The following PLA2G4A variants were observed in gnomAD, a reference collection of about 807,000 sequenced individuals.
PLA2G4A encodes the protein cytosolic phospholipase A2.
In PLA2G4A, 40 loss-of-function variants were observed where a neutral mutation model predicts 81.9. That is an observed-to-expected ratio of 0.49 (90% confidence interval 0.38 to 0.64). The LOEUF (loss-of-function observed/expected upper bound fraction) is 0.64, where lower values mean the gene tolerates loss of function less well. PLA2G4A is among the 30% of genes least tolerant of loss of function. The pLI is 0.00. For synonymous variants in PLA2G4A, 302 were observed against 296.9 expected, an observed-to-expected ratio of 1.02 and a Z score of -0.18; for missense variants, 715 against 905.1, an observed-to-expected ratio of 0.79 and a Z score of 2.69.
At chr1:186,963,616 C>T (rs1657032321) in intron 14 of PLA2G4A, among the ~76,000 whole-genome samples, 2 of 152,152 alleles carry the variant, frequency 1.3e-5, no homozygotes, top group South Asian at 4.1e-4. Flanking sequence ...TTCCTCTTTG[C>T]TTCACCTATT....
At position 186,932,840 on chromosome 1, in the gene PLA2G4A, A is replaced by T; in HGVS notation, c.636A>T (p.Leu212Phe). ...GATTCTCTGGTGTGATGAAGGCATT[A>T]TACGAATCAGGAATTCTGGATTGTG... Reference protein sequence around the residue: ...MVGFSGVMKALYESGILDCAT... With the variant: ...MVGFSGVMKAFYESGILDCAT... The change falls in exon 8 of 18, where the codon TTA becomes TTT. Residue 212 changes from leucine (L) to phenylalanine (F), a missense_variant. By Grantham distance (22) the Leu-to-Phe change is conservative (BLOSUM62 0). Transcript: ENST00000367466. 1 of 1,613,242 alleles carries T rather than the reference A, an allele frequency of 6.2e-7. No individual in the cohort carries two copies. Among genetic ancestry groups the T allele is most frequent in the Non-Finnish European group, 8.5e-7 (1 of 1,179,178 alleles).
intron 3 of PLA2G4A, among the ~76,000 whole-genome samples, chr1:186,884,894 A>G (rs78081017): frequency 9.5e-4 from 1 of 1,056 alleles, no homozygotes; most frequent in South Asian, 0.083. Context: ...CCTGTCTTCA[A>G]AAAAAAAAAA....
chr1:186,965,529 G>C lies in PLA2G4A; in HGVS notation c.1700G>C (p.Gly567Ala). The change falls in exon 15 of 18, where the codon GGG (glycine) becomes GCG (alanine). Residue 567 changes from glycine to alanine, a missense_variant. Coordinates refer to ENST00000367466, the MANE Select transcript of PLA2G4A (RefSeq NM_024420.3). Reference sequence around the variant, plus strand: ...CCCTTGATACTGAGACCTCAGAGAGGGGTTGATCTCATAATCTCCTTTGAC... The same window carrying C: ...CCCTTGATACTGAGACCTCAGAGAGCGGTTGATCTCATAATCTCCTTTGAC... The part of the protein sequence containing the change: ...PYPLILRPQR[G>A]VDLIISFDFS... The C allele has an allele frequency of 6.2e-7, 1 of 1,613,206 alleles. No homozygotes were observed. Among genetic ancestry groups the C allele is most frequent in the Non-Finnish European group, 8.5e-7 (1 of 1,179,170 alleles).
intron 7 of PLA2G4A, among the ~76,000 whole-genome samples, chr1:186,922,439 A>C (rs74595341): frequency 1.3e-5 from 2 of 152,154 alleles, no homozygotes; most frequent in Non-Finnish European, 2.9e-5. Context: ...TCCAAGTGCC[A>C]GTTCCTTCCT....
At chr1:186,935,791 C>T (rs1013614256) in intron 8 of PLA2G4A, among the ~76,000 whole-genome samples, 1 of 151,904 alleles carries the variant, frequency 6.6e-6, no homozygotes, top group Non-Finnish European at 1.5e-5. Context: ...TGCTGATACA[C>T]GGCCATTATT....
At chr1:186,857,679 G>A (rs1391569783) in intron 2 of PLA2G4A, among the ~76,000 whole-genome samples, 2 of 150,852 alleles carry the variant, frequency 1.3e-5, no homozygotes, top group African/African-American at 2.4e-5. Context: ...GTATATATTT[G>A]CCATGGTGGT....
At chr1:186,875,972 G>A (rs1324852276) in intron 3 of PLA2G4A, among the ~76,000 whole-genome samples, 1 of 152,088 alleles carries the variant, frequency 6.6e-6, no homozygotes, top group East Asian at 1.9e-4. Context: ...ATTCCAAACG[G>A]AATGAAAAAG....
At chr1:186,863,225 G>C (rs991503869) in intron 2 of PLA2G4A, among the ~76,000 whole-genome samples, 3 of 152,088 alleles carry the variant, frequency 2.0e-5, no homozygotes, top group African/African-American at 7.2e-5. Flanking sequence ...GTACACCATG[G>C]CACCCAGTTA....
intron 12 of PLA2G4A, among the ~76,000 whole-genome samples, chr1:186,947,879 T>C (rs1283078309): frequency 1.3e-5 from 2 of 152,172 alleles, no homozygotes; most frequent in African/African-American, 2.4e-5. Flanking sequence ...TGATGACTTT[T>C]TAAATAATTA....
intron 1 of PLA2G4A, among the ~76,000 whole-genome samples, chr1:186,832,066 G>A (rs1003751469): frequency 1.6e-4 from 25 of 151,886 alleles, no homozygotes; most frequent in African/African-American, 6.0e-4. Flanking sequence ...AAAAGAGTAT[G>A]GTTCTTACTA....
intron 10 of PLA2G4A, among the ~76,000 whole-genome samples, chr1:186,945,403 A>G (rs1475602619): frequency 6.6e-6 from 1 of 152,166 alleles, no homozygotes; most frequent in African/African-American, 2.4e-5. Context: ...GGAAGCTTTC[A>G]GATGACACTG....
intron 6 of PLA2G4A, among the ~76,000 whole-genome samples, chr1:186,909,134 C>T (rs1374952651): frequency 2.7e-5 from 4 of 150,228 alleles, no homozygotes; most frequent in Non-Finnish European, 5.9e-5. Flanking sequence ...CCACCACGCC[C>T]GGCTAATTTT....
At chr1:186,862,905 TA>T (rs1347306293) in intron 2 of PLA2G4A, among the ~76,000 whole-genome samples, 1 of 152,208 alleles carries the variant, frequency 6.6e-6, no homozygotes, top group African/African-American at 2.4e-5. Flanking sequence ...GATTTCCTCA[TA>T]AGTATTGAGG....
At chr1:186,929,723 T>C (rs1346334890) in intron 7 of PLA2G4A, among the ~76,000 whole-genome samples, 3 of 152,102 alleles carry the variant, frequency 2.0e-5, no homozygotes, top group African/African-American at 7.2e-5. Context: ...CTTTGTGACA[T>C]TGGAAAAAAA....
chr1:186,887,495 A>G (rs566261915), intron 3 of PLA2G4A, among the ~76,000 whole-genome samples: 175 of 152,268 alleles, frequency 1.1e-3, no homozygotes, highest in Non-Finnish European at 2.1e-3. Context: ...TATGGGAAGA[A>G]AAAAGATCTG....
chr1:186,840,717 A>T (rs1277900013), intron 1 of PLA2G4A, among the ~76,000 whole-genome samples: 1 of 152,230 alleles, frequency 6.6e-6, no homozygotes, highest in Non-Finnish European at 1.5e-5. Context: ...AATGGCTCTC[A>T]TTAAACATTT....
At chr1:186,837,755 A>AAAAAAAAG in intron 1 of PLA2G4A, among the ~76,000 whole-genome samples, 29 of 147,522 alleles carry the variant, frequency 2.0e-4, no homozygotes, top group African/African-American at 7.4e-4. Flanking sequence ...AAAAAAAAGA[A>AAAAAAAAG]AAAGAAAAGA....
intron 4 of PLA2G4A, 147 bp downstream of exon 4, chr1:186,893,306 C>CT: frequency 1.3e-6 from 1 of 778,360 alleles, no homozygotes; most frequent in South Asian, 1.4e-5. Flanking sequence ...TAAATGGTGT[C>CT]TGTCAAGTAA....
chr1:186,953,538 C>A (rs1184322858), intron 13 of PLA2G4A, among the ~76,000 whole-genome samples: 1 of 152,132 alleles, frequency 6.6e-6, no homozygotes, highest in African/African-American at 2.4e-5. Flanking sequence ...TCTTGAGGCT[C>A]TTTCATGTTT....
Sources: gnomAD v4.1 joint callset for allele counts (sites outside exome capture counted in the v4.1 genomes callset) on GRCh38, gnomAD v4.1.1 for gene constraint, MANE v1.5 for transcripts, NCBI Gene and HGNC (gene_info 2026-07-23, HGNC 2026-07-21) for gene names.